The following SLC25A31 variants were observed in gnomAD, a reference collection of about 807,000 sequenced individuals.
SLC25A31 encodes ADP/ATP translocase 4.
A neutral mutation model predicts 36.2 loss-of-function variants in SLC25A31; 40 were observed. That is an observed-to-expected ratio of 1.10 (90% CI 0.86 to 1.44). The LOEUF is 1.44. SLC25A31 is among the 40% of genes most tolerant of loss of function. The pLI is 0.00. For missense variants in SLC25A31, 350 were observed against 397.1 expected (o/e 0.88, Z 1.01); for synonymous variants, 143 against 149.7 (o/e 0.96, Z 0.32).
intron 5 of SLC25A31, among the ~76,000 whole-genome samples, chr4:127,771,468 G>A (rs1333569420): frequency 6.6e-6 from 1 of 152,088 alleles, no homozygotes; most frequent in Non-Finnish European, 1.5e-5. Flanking sequence ...CCACAACTTT[G>A]TTAACCCTAT....
At position 127,731,506 on chromosome 4, in the gene SLC25A31, C is replaced by G. The variant is rs554794580; in HGVS notation, c.232+729C>G. Among the ~76,000 whole-genome samples the G allele has an allele frequency of 1.9e-3, 282 of 152,230 alleles. 2 individuals are homozygous for G. Among genetic ancestry groups the G allele is most frequent in the South Asian group, 7.9e-3 (38 of 4,828 alleles). ...TCACTTGAGCTCGAGCTCAGGAGTT[C>G]TAGACAAGCCTGACTAACATGGCGA... On this transcript the variant is annotated intron_variant, in intron 1 of 5. Transcript: ENST00000281154.
intron 2 of SLC25A31, among the ~76,000 whole-genome samples, chr4:127,754,695 T>TC (rs1436018546): frequency 6.6e-6 from 1 of 152,134 alleles, no homozygotes; most frequent in African/African-American, 2.4e-5. Context: ...TGGAAGCTCA[T>TC]CGTGTGTTCA....
chr4:127,749,719 A>T (rs1731893132), intron 2 of SLC25A31, among the ~76,000 whole-genome samples: 1 of 151,658 alleles, frequency 6.6e-6, no homozygotes, highest in Non-Finnish European at 1.5e-5. Flanking sequence ...AAAAAAAAAA[A>T]AAAAAAAGCC....
intron 1 of SLC25A31, among the ~76,000 whole-genome samples, chr4:127,735,652 C>T (rs539977070): frequency 6.6e-6 from 1 of 151,648 alleles, no homozygotes; most frequent in South Asian, 2.1e-4. Flanking sequence ...TTATCTCATT[C>T]TTTAATTTAT....
rs370180135 is a variant in SLC25A31, at chr4:127,731,133, C to T, written c.232+356C>T. Reference sequence around the variant, plus strand: ...TAGGCACTCTGCTATAACTAGTGCTCTAAGTTGCTTAAATATTTGTTGGTA... The same window carrying T: ...TAGGCACTCTGCTATAACTAGTGCTTTAAGTTGCTTAAATATTTGTTGGTA... On this transcript the variant is annotated intron_variant, in intron 1 of 5. Coordinates refer to ENST00000281154, the MANE Select transcript of SLC25A31 (RefSeq NM_031291.4). Among the ~76,000 whole-genome samples, 10 of 152,156 alleles carry T rather than the reference C, an allele frequency of 6.6e-5. No homozygotes were observed. In the East Asian group the frequency reaches 1.9e-3, roughly 29 times the overall value.
At chr4:127,770,826 G>A (rs1437876454) in intron 5 of SLC25A31, among the ~76,000 whole-genome samples, 1 of 151,928 alleles carries the variant, frequency 6.6e-6, no homozygotes, top group East Asian at 1.9e-4. Context: ...CAGTTCTGAA[G>A]GCTACAAGTC....
At chr4:127,766,356 CAG>C (rs1732244152) in intron 3 of SLC25A31, among the ~76,000 whole-genome samples, 1 of 151,766 alleles carries the variant, frequency 6.6e-6, no homozygotes. Flanking sequence ...TTAATCGAGA[CAG>C]GGTTTCACTA....
In SLC25A31 at chr4:127,766,367, T is replaced by C. The variant is rs1035926398; in HGVS notation, c.479-699T>C. Among the ~76,000 whole-genome samples the C allele has an allele frequency of 5.3e-5, 8 of 151,966 alleles. No individual in the cohort carries two copies. In the South Asian group the frequency reaches 6.2e-4, roughly 12 times the overall value. On this transcript the variant is annotated intron_variant, in intron 3 of 5. Transcript: ENST00000281154. ...ATTTTTAATCGAGACAGGGTTTCAC[T>C]ATCTTGCCCAGGCTGGTCTTGAACT... is the stretch of plus-strand genomic sequence containing the variant.
chr4:127,768,303 G>A (rs1423426412), intron 4 of SLC25A31, among the ~76,000 whole-genome samples: 5 of 151,932 alleles, frequency 3.3e-5, no homozygotes, highest in African/African-American at 9.7e-5. Flanking sequence ...CACAAAAAAA[G>A]TTATGTGTGT....
chr4:127,731,737 CA>C (rs1242221480), intron 1 of SLC25A31, among the ~76,000 whole-genome samples: 2 of 151,858 alleles, frequency 1.3e-5, no homozygotes, highest in Admixed American at 6.6e-5. Context: ...CCCTCTCTTT[CA>C]ACTAGAGAGA....
At chr4:127,743,130 CTTT>C (rs57035802) in intron 1 of SLC25A31, among the ~76,000 whole-genome samples, 1 of 128,062 alleles carries the variant, frequency 7.8e-6, no homozygotes, top group Non-Finnish European at 1.7e-5. Flanking sequence ...TTTTTCTTTT[CTTT>C]TTTTTTTTTT....
At position 127,744,781 on chromosome 4, in the gene SLC25A31, A is replaced by G. The variant is rs769122300; in HGVS notation, c.342A>G (p.Gly114=). Residue 114 remains glycine, a synonymous_variant, in exon 2 of 6, where the codon GGA becomes GGG. Coordinates refer to ENST00000281154, the MANE Select transcript of SLC25A31 (RefSeq NM_031291.4). ...AATACAAGCAGCTATTCATGTCTGG[A>G]GTTAATAAAGAAAAACAGGTAATTA... ...KDKYKQLFMS[G]VNKEKQFWRW... 1.3e-6 allele frequency: 2 copies of G among 1,534,706 alleles called. No homozygotes were observed. Among genetic ancestry groups the G allele is most frequent in the East Asian group, 4.5e-5 (2 of 44,098 alleles).
chr4:127,758,256 T>TA (rs1482300563), intron 2 of SLC25A31, among the ~76,000 whole-genome samples: 1 of 152,172 alleles, frequency 6.6e-6, no homozygotes, highest in Non-Finnish European at 1.5e-5. Flanking sequence ...CATTTTTTCA[T>TA]ATGTTTGTTG....
chr4:127,730,552 C>T lies in SLC25A31; in HGVS notation c.7C>T (p.Arg3Cys), dbSNP rs1224952600. The T allele has an allele frequency of 5.0e-6, 8 of 1,613,642 alleles. No individual in the cohort carries two copies. Among genetic ancestry groups the T allele is most frequent in the Non-Finnish European group, 6.8e-6 (8 of 1,179,672 alleles). The change falls in exon 1 of 6, where the codon CGT (arginine) becomes TGT (cysteine). Residue 3 changes from arginine to cysteine, a missense_variant. Coordinates refer to ENST00000281154, the MANE Select transcript of SLC25A31 (RefSeq NM_031291.4). MH[R>C]EPAKKKAEKR... ...TTTTATATCCTTCTCCATCATGCAT[C>T]GTGAGCCTGCGAAAAAGAAGGCAGA...
chr4:127,735,774 G>A (rs1578654528), intron 1 of SLC25A31, among the ~76,000 whole-genome samples: 1 of 139,934 alleles, frequency 7.1e-6, no homozygotes. Flanking sequence ...TTAATTGATA[G>A]GCATATCATC....
At chr4:127,763,302 A>G (rs1397048913) in intron 2 of SLC25A31, among the ~76,000 whole-genome samples, 1 of 152,240 alleles carries the variant, frequency 6.6e-6, no homozygotes. Context: ...TGTTTAAAAA[A>G]GGAAGAGCAT....
At chr4:127,741,261 T>C (rs555382590) in intron 1 of SLC25A31, among the ~76,000 whole-genome samples, 8 of 152,368 alleles carry the variant, frequency 5.3e-5, no homozygotes, top group African/African-American at 1.7e-4. Flanking sequence ...AGGTACTATA[T>C]TGAATAAAAG....
intron 1 of SLC25A31, among the ~76,000 whole-genome samples, chr4:127,744,086 G>A (rs1188861213): frequency 2.0e-5 from 3 of 152,142 alleles, no homozygotes; most frequent in African/African-American, 7.2e-5. Context: ...ATTCAGGTAG[G>A]GAGATTACTG....
At chr4:127,770,873 A>C (rs1732344023) in intron 5 of SLC25A31, among the ~76,000 whole-genome samples, 1 of 151,890 alleles carries the variant, frequency 6.6e-6, no homozygotes, top group South Asian at 2.1e-4. Flanking sequence ...TTTCCTCTGA[A>C]GACCTCTCTC....
Sources: gnomAD v4.1 joint callset for allele counts (sites outside exome capture counted in the v4.1 genomes callset) on GRCh38, gnomAD v4.1.1 for gene constraint, MANE v1.5 for transcripts, NCBI Gene and HGNC (gene_info 2026-07-23, HGNC 2026-07-21) for gene names.